ERMP1: variants seen among roughly 807,000 people sequenced by gnomAD.
ERMP1 encodes Felix-ina.
Under a neutral mutation model 92.0 loss-of-function variants are expected in ERMP1, and 86 were observed. The ratio of observed to expected loss-of-function variants is 0.93; its 90% CI spans 0.79 to 1.12. The LOEUF (loss-of-function observed/expected upper bound fraction) is 1.12, where lower values mean the gene tolerates loss of function less well. Among genes scored for constraint, ERMP1 ranks in the 50% most tolerant of loss-of-function variants. The pLI is 0.00. For missense variants in ERMP1, 1,342 were observed against 1,116.3 expected (o/e 1.20, Z -2.88); for synonymous variants, 530 against 412.8 (o/e 1.28, Z -3.44).
At chr9:5,800,696 A>G (rs1408736025) in intron 11 of ERMP1, among the ~76,000 whole-genome samples, 1 of 152,112 alleles carries the variant, frequency 6.6e-6, no homozygotes, top group Non-Finnish European at 1.5e-5. Context: ...AAAAGAAAGT[A>G]AGTCCTAAAA....
chr9:5,806,572 GCA>G (rs1299533871), intron 8 of ERMP1, among the ~76,000 whole-genome samples: 1 of 151,548 alleles, frequency 6.6e-6, no homozygotes, highest in Non-Finnish European at 1.5e-5. Context: ...GGGACTATAG[GCA>G]CACACCACTA....
At position 5,841,122 on chromosome 9, in the gene ERMP1, G is replaced by A. The variant is rs576464714; in HGVS notation, n.3200-7810C>T. 2.6e-5 allele frequency among the ~76,000 whole-genome samples: 4 copies of A among 152,308 alleles called. No individual in the cohort carries two copies. In the South Asian group the frequency reaches 6.2e-4, roughly 24 times the overall value. On this transcript the variant is annotated intron_variant and non_coding_transcript_variant, in intron 6 of 6. Transcript: ENST00000690753. ...TTAGTTCCTTCTTGTGAAAGGCGGT[G>A]TAAAAAAACCTGTTATCCTTTCTCA...
intron 10 of ERMP1, 35 bp from the exon 11 acceptor site, chr9:5,801,363 A>G: frequency 4.4e-6 from 7 of 1,590,076 alleles, no homozygotes; most frequent in Non-Finnish European, 6.0e-6. Flanking sequence ...AAATATTACA[A>G]ATTCATTCTA....
chr9:5,819,757 A>G (rs1015805983), intron 4 of ERMP1, among the ~76,000 whole-genome samples: 5 of 152,206 alleles, frequency 3.3e-5, no homozygotes, highest in African/African-American at 1.2e-4. Flanking sequence ...CACTAAGTAA[A>G]AAAACCCAAA....
chr9:5,856,454 A>C, intron 6 of ERMP1: 1 of 169,142 alleles, frequency 5.9e-6, no homozygotes. Flanking sequence ...GGGTGGCCAA[A>C]GGCGCAGCCA....
At chr9:5,795,357 C>T (rs1828376353) in intron 13 of ERMP1, among the ~76,000 whole-genome samples, 1 of 152,222 alleles carries the variant, frequency 6.6e-6, no homozygotes, top group East Asian at 1.9e-4. Context: ...CCTCTCACAA[C>T]GCCTTGTCAA....
chr9:5,807,036 T>G (rs1021141638), intron 8 of ERMP1, among the ~76,000 whole-genome samples: 1 of 152,184 alleles, frequency 6.6e-6, no homozygotes, highest in African/African-American at 2.4e-5. Flanking sequence ...AAAATTATTA[T>G]TATAGTTCAA....
At chr9:5,804,902 A>G (rs749363841) in intron 10 of ERMP1, 125 bp downstream of exon 10, 48 of 708,468 alleles carry the variant, frequency 6.8e-5, no homozygotes, top group Admixed American at 6.0e-4. Flanking sequence ...CCATTCATTC[A>G]CCATTTCTTC....
chr9:5,822,746 T>C (rs1284083877), intron 4 of ERMP1, among the ~76,000 whole-genome samples: 3 of 152,162 alleles, frequency 2.0e-5, no homozygotes, highest in Non-Finnish European at 4.4e-5. Flanking sequence ...AATGTCAAAT[T>C]TTAGTATGCC....
intron 5 of ERMP1, among the ~76,000 whole-genome samples, chr9:5,863,655 G>C (rs1282020827): frequency 6.6e-6 from 1 of 152,186 alleles, no homozygotes; most frequent in Non-Finnish European, 1.5e-5. Flanking sequence ...AAGGTCAAAA[G>C]CTTGCCTGCC....
At chr9:5,818,213 G>A (rs577131490) in intron 4 of ERMP1, among the ~76,000 whole-genome samples, 1 of 151,924 alleles carries the variant, frequency 6.6e-6, no homozygotes, top group Admixed American at 6.6e-5. Flanking sequence ...ATTCTTTTGA[G>A]GAATTCTGCA....
chr9:5,853,421 G>A (rs1483858179), intron 6 of ERMP1, among the ~76,000 whole-genome samples: 1 of 152,132 alleles, frequency 6.6e-6, no homozygotes, highest in Non-Finnish European at 1.5e-5. Context: ...CTGTTGCTGT[G>A]CTCAGAGATG....
chr9:5,833,174 G>A (rs1475002163), upstream of ERMP1: 2 of 728,126 alleles, frequency 2.7e-6, no homozygotes, highest in South Asian at 2.4e-5. Flanking sequence ...CCGTCCCGCC[G>A]CGCCAAGACC....
chr9:5,861,717 GTTTTTTTT>G (rs34804675), intron 5 of ERMP1, among the ~76,000 whole-genome samples: 2 of 66,240 alleles, frequency 3.0e-5, no homozygotes, highest in Non-Finnish European at 5.3e-5. Flanking sequence ...GAGAGGAAGG[GTTTTTTTT>G]TTTTTTTTTT....
At chr9:5,837,288 G>A (rs1830106158), upstream of ERMP1, among the ~76,000 whole-genome samples, 1 of 151,966 alleles carries the variant, frequency 6.6e-6, no homozygotes, top group African/African-American at 2.4e-5. Context: ...TGGCCAATTG[G>A]TTCTTTAGGG....
rs115471298 is a variant in ERMP1, at chr9:5,821,856, G to A, written c.874+2040C>T. 3.4e-3 allele frequency among the ~76,000 whole-genome samples: 521 copies of A among 152,306 alleles called. 3 individuals are homozygous for A. The highest frequency in any genetic ancestry group is 0.012 in the African/African-American group (508 of 41,572). ...GGAGCCCTGACATTTTTCACAATAG[G>A]AAAGAAGACTGAGTGTCCTCTCTCC... is the stretch of plus-strand genomic sequence containing the variant. On this transcript the variant is annotated intron_variant, in intron 4 of 14. Transcript: ENST00000339450.
At position 5,813,002 on chromosome 9, in the gene ERMP1, A is replaced by AC; in HGVS notation, c.907dup (p.Val303GlyfsTer5). On this transcript the variant is annotated frameshift_variant, in exon 5 of 15. Coordinates refer to ENST00000339450, the MANE Select transcript of ERMP1 (RefSeq NM_024896.3). LOFTEE classifies it high-confidence loss of function. ...AGCAAAAGGGTGTTTAGCTGCTGAAACATAAGCTTGAACCAACCAAGGATT... is the reference window on the plus strand; with the variant it reads ...AGCAAAAGGGTGTTTAGCTGCTGAAACCATAAGCTTGAACCAACCAAGGATT... The AC allele has an allele frequency of 6.2e-7, 1 of 1,614,094 alleles. No individual in the cohort carries two copies. Among genetic ancestry groups the AC allele is most frequent in the East Asian group, 2.2e-5 (1 of 44,870 alleles).
rs745814675 is a variant in ERMP1, at chr9:5,810,224, G to A, written c.1335C>T (p.Asn445=). The A allele has an allele frequency of 3.7e-6, 6 of 1,611,630 alleles. No homozygotes were observed. Among genetic ancestry groups the A allele is most frequent in the African/African-American group, 1.3e-5 (1 of 75,032 alleles). Residue 445 remains asparagine (N), a synonymous_variant, in exon 8 of 15, where the codon AAC becomes AAT. Coordinates refer to ENST00000339450, the MANE Select transcript of ERMP1 (RefSeq NM_024896.3). ...GTCCACACAAGAAGTCCTTCTTGTA[G>A]TTACCAGCTAATGAAGAGAAAACAA... ...KFLQPKHKTG[N]YKKDFLCGLG... is the part of the protein sequence containing the mutation.
At chr9:5,817,571 G>A (rs533793229) in intron 4 of ERMP1, among the ~76,000 whole-genome samples, 1 of 152,360 alleles carries the variant, frequency 6.6e-6, no homozygotes, top group East Asian at 1.9e-4. Context: ...GTGGCAGGCA[G>A]ATACAGAAAC....
Sources: allele counts gnomAD v4.1 joint callset (sites outside exome capture counted in the v4.1 genomes callset), GRCh38; gene constraint gnomAD v4.1.1; transcripts MANE v1.5; gene names NCBI Gene and HGNC (gene_info 2026-07-23, HGNC 2026-07-21).